UTY: variants seen among roughly 807,000 people sequenced by gnomAD.
The protein encoded by UTY is ubiquitously transcribed tetratricopeptide repeat containing, Y-linked, also known as histone demethylase UTY.
In UTY, 12 loss-of-function variants were observed where a neutral mutation model predicts 32.5. The ratio of observed to expected loss-of-function variants is 0.37; its 90% CI spans 0.24 to 0.60. UTY has a LOEUF of 0.60. Ranked by LOEUF, UTY falls within the 20% of genes least tolerant of loss-of-function variation. The pLI is 0.69. For missense variants in UTY, 303 were observed against 299.2 expected, an observed-to-expected ratio of 1.01 and a Z score of -0.09; for synonymous variants, 131 against 103.4, an observed-to-expected ratio of 1.27 and a Z score of -1.62.
chrY:13,302,025 T>C (rs2058398334), intron 25 of UTY, among the ~76,000 whole-genome samples: 2 of 33,945 alleles, frequency 5.9e-5, no homozygotes, highest in African/African-American at 2.3e-4. Context: ...AAGTAGAAAT[T>C]ACTTTGTGAA....
Position 13,476,030 on chromosome Y carries a change from G to A in UTY, c.216+3224C>T, listed in dbSNP as rs2079014700. ...GCAACAAGAGTGAAACTCCATCTCG[G>A]GGGAAAAAAAAGTAAAGTAAACCAA... On this transcript the variant is annotated intron_variant, in intron 2 of 29. Coordinates refer to ENST00000545955, the MANE Select transcript of UTY (RefSeq NM_001258249.2). 8 of 219,957 alleles carry A rather than the reference G, an allele frequency of 3.6e-5. No individual in the cohort carries two copies. In the South Asian group the frequency reaches 1.4e-3, roughly 38 times the overall value. 54.9% of individuals were successfully genotyped at this position (219,957 alleles called of 400,897 possible). A position where few individuals can be genotyped will look rare whatever the true frequency, so the allele number is the denominator to read the frequency against.
chrY:13,441,118 AG>A (rs2075132956), intron 4 of UTY, among the ~76,000 whole-genome samples: 2 of 33,100 alleles, frequency 6.0e-5, no homozygotes, highest in African/African-American at 2.4e-4. Flanking sequence ...TAAAGAGATG[AG>A]GCATTAAATA....
intron 21 of UTY, among the ~76,000 whole-genome samples, chrY:13,314,183 C>T: frequency 9.0e-5 from 3 of 33,265 alleles, no homozygotes; most frequent in Admixed American, 8.3e-4. Context: ...AAGGGCCAGG[C>T]GCAGGTGGAT....
intron 20 of UTY, 112 bp from the exon 21 acceptor site, chrY:13,323,872 G>T: frequency 5.7e-6 from 1 of 176,352 alleles, no homozygotes; most frequent in Non-Finnish European, 9.9e-6. Flanking sequence ...CCAACCATTT[G>T]GTATCAGAGT....
intron 21 of UTY, among the ~76,000 whole-genome samples, chrY:13,318,028 T>C: frequency 6.4e-5 from 2 of 31,009 alleles, no homozygotes; most frequent in African/African-American, 2.5e-4. Flanking sequence ...GGCATGATAG[T>C]GTATGCCTGT....
At chrY:13,475,678 A>C in intron 2 of UTY, among the ~76,000 whole-genome samples, 1 of 34,037 alleles carries the variant, frequency 2.9e-5, no homozygotes, top group Non-Finnish European at 7.3e-5. Flanking sequence ...AATTTAAATA[A>C]TATCAAATGT....
chrY:13,446,603 TAGATAGATAGATAGATAGAC>T (rs2075838635), intron 4 of UTY, among the ~76,000 whole-genome samples: 13 of 24,570 alleles, frequency 5.3e-4, no homozygotes, highest in South Asian at 4.9e-3. Flanking sequence ...GATAGATAGA[TAGATAGATAGATAGATAGAC>T]AGACAGACAG....
At chrY:13,393,614 CTA>C (rs2067815442) in intron 8 of UTY, 2 of 52,869 alleles carry the variant, frequency 3.8e-5, no homozygotes, top group Non-Finnish European at 7.5e-5. Flanking sequence ...ACACAAACTG[CTA>C]TATATATATA....
chrY:13,450,006 T>G (rs2076193689), intron 3 of UTY, among the ~76,000 whole-genome samples: 1 of 33,548 alleles, frequency 3.0e-5, no homozygotes, highest in Non-Finnish European at 7.4e-5. Flanking sequence ...GGGGTAAGCC[T>G]ATTGAGGAAA....
intron 17 of UTY, among the ~76,000 whole-genome samples, chrY:13,344,671 T>C (rs867004657): frequency 2.9e-4 from 10 of 34,044 alleles, no homozygotes. Flanking sequence ...TTGTAGCAGA[T>C]AGTACAACAA....
chrY:13,390,581 T>C (rs757705340), intron 8 of UTY, among the ~76,000 whole-genome samples: 2 of 33,956 alleles, frequency 5.9e-5, no homozygotes, highest in Non-Finnish European at 1.5e-4. Context: ...TTACATCCTA[T>C]GGATAATTCC....
chrY:13,260,425 T>C, intron 27 of UTY, 21 bp from the exon 28 acceptor site: 1 of 374,997 alleles, frequency 2.7e-6, no homozygotes. Flanking sequence ...AAAAAACTAT[T>C]TGTGAGAGTA....
chrY:13,350,684 C>T (rs2062320335), intron 17 of UTY, among the ~76,000 whole-genome samples: 2 of 32,540 alleles, frequency 6.1e-5, no homozygotes, highest in East Asian at 8.1e-4. Flanking sequence ...GAAGTAAAAA[C>T]GCAGAAATGA....
chrY:13,324,060 TCCA>T (rs2060022886), intron 20 of UTY, among the ~76,000 whole-genome samples: 1 of 33,249 alleles, frequency 3.0e-5, no homozygotes, highest in Non-Finnish European at 7.4e-5. Context: ...AAAATAAAAA[TCCA>T]CCACAATATT....
chrY:13,436,452 A>G (rs765683021), intron 4 of UTY, among the ~76,000 whole-genome samples: 24 of 33,088 alleles, frequency 7.3e-4, no homozygotes, highest in Admixed American at 5.4e-3. Flanking sequence ...CAAACTCTCC[A>G]AAGTCAAGCG....
chrY:13,407,434 C>G (rs2070220969), intron 6 of UTY, among the ~76,000 whole-genome samples: 1 of 31,630 alleles, frequency 3.2e-5, no homozygotes, highest in Non-Finnish European at 7.8e-5. Flanking sequence ...AATTCTGTGA[C>G]AGAAAAACAG....
chrY:13,340,647 G>A, intron 17 of UTY, among the ~76,000 whole-genome samples: 1 of 33,386 alleles, frequency 3.0e-5, no homozygotes, highest in African/African-American at 1.2e-4. Flanking sequence ...CCAAGGGGGC[G>A]AACAGCTCTT....
At chrY:13,457,987 T>C in intron 3 of UTY, among the ~76,000 whole-genome samples, 1 of 33,550 alleles carries the variant, frequency 3.0e-5, no homozygotes, top group Non-Finnish European at 7.4e-5. Flanking sequence ...GGAAAAACTC[T>C]TAAGAAGAAT....
chrY:13,327,152 T>G lies in UTY; in HGVS notation c.2835-802A>C, dbSNP rs984617351. 3.0e-4 allele frequency among the ~76,000 whole-genome samples: 10 copies of G among 33,555 alleles called. No homozygotes were observed. The East Asian group carries it at 6.1e-3, about 20-fold the overall frequency. The allele number at this position is 33,555 out of a possible 37,273, so 90.0% of individuals were successfully genotyped here. On this transcript the variant is annotated intron_variant, in intron 18 of 29. Coordinates refer to ENST00000545955, the MANE Select transcript of UTY (RefSeq NM_001258249.2). Reference sequence around the variant, plus strand: ...CAGAAAATTGGCAAGCCTTTCAAATTATTCAAGCTGTCTCACCTAATTATT... The same window carrying G: ...CAGAAAATTGGCAAGCCTTTCAAATGATTCAAGCTGTCTCACCTAATTATT...
Sources: allele counts gnomAD v4.1 joint callset (sites outside exome capture counted in the v4.1 genomes callset), GRCh38; gene constraint gnomAD v4.1.1; transcripts MANE v1.5; gene names NCBI Gene and HGNC (gene_info 2026-07-23, HGNC 2026-07-21).